LAMC3: variants seen among roughly 807,000 people sequenced by gnomAD.
The protein encoded by LAMC3 is laminin subunit gamma-3.
LAMC3 carries 128 observed loss-of-function variants against 173.8 expected under a neutral mutation model. The ratio of observed to expected loss-of-function variants is 0.74; its 90% CI spans 0.64 to 0.85. LAMC3 has a LOEUF of 0.85. Ranked by LOEUF, LAMC3 falls within the 40% of genes least tolerant of loss-of-function variation. The pLI, the probability that LAMC3 is intolerant of heterozygous loss-of-function variation, is 0.00. For synonymous variants in LAMC3, 897 were observed against 909.1 expected (o/e 0.99, Z 0.24); for missense variants, 2,022 against 2,156.0 (o/e 0.94, Z 1.23).
intron 6 of LAMC3, 93 bp downstream of exon 6, chr9:131,039,341 C>T (rs907851780): frequency 4.8e-6 from 5 of 1,041,368 alleles, no homozygotes; most frequent in Non-Finnish European, 2.9e-6. Flanking sequence ...CCTCCCCATC[C>T]CTTCCTGTCT....
intron 1 of LAMC3, among the ~76,000 whole-genome samples, chr9:131,012,722 C>G (rs1833444064): frequency 6.6e-6 from 1 of 152,190 alleles, no homozygotes; most frequent in African/African-American, 2.4e-5. Flanking sequence ...TCCTCCTGGT[C>G]CTTAGGCCAC....
rs148513856 is a variant in LAMC3, at chr9:131,039,216, C to T, written c.1251C>T (p.Pro417=). Residue 417 remains proline (P), a synonymous_variant, in exon 6 of 28, where the codon CCC becomes CCT. Coordinates refer to ENST00000361069, the MANE Select transcript of LAMC3 (RefSeq NM_006059.4). ...GCTGGAAGTGTGACCGCTGTCTGCC[C>T]GGGTTCCACTCGCTCAGTGAGGGAG... ...VTGWKCDRCL[P]GFHSLSEGGC... is the part of the protein sequence containing the mutation. 180 of 1,607,276 alleles carry T rather than the reference C, an allele frequency of 1.1e-4. No individual in the cohort carries two copies. Among genetic ancestry groups the T allele is most frequent in the African/African-American group, 1.1e-3 (79 of 75,036 alleles).
At chr9:131,067,942 G>T in intron 14 of LAMC3, 136 bp from the exon 15 acceptor site, 1 of 953,690 alleles carries the variant, frequency 1.0e-6, no homozygotes, top group Non-Finnish European at 1.7e-6. Context: ...TTTTCCAGCA[G>T]TGGCGTCTGA....
intron 21 of LAMC3, among the ~76,000 whole-genome samples, chr9:131,076,683 C>T (rs2133334591): frequency 1.3e-5 from 2 of 152,268 alleles, no homozygotes; most frequent in Middle Eastern, 6.8e-3. Context: ...ACAGAAAACC[C>T]ATCCTAGCTG....
intron 9 of LAMC3, among the ~76,000 whole-genome samples, chr9:131,050,628 C>T (rs1425130074): frequency 6.6e-6 from 1 of 151,976 alleles, no homozygotes; most frequent in Non-Finnish European, 1.5e-5. Flanking sequence ...GTTAGCCAGA[C>T]GTGGTGGTGC....
chr9:131,049,803 C>G (rs1286241087), intron 9 of LAMC3, among the ~76,000 whole-genome samples: 1 of 152,206 alleles, frequency 6.6e-6, no homozygotes, highest in African/African-American at 2.4e-5. Flanking sequence ...CCATGGCATT[C>G]TTGCAAAAGG....
At chr9:131,024,116 A>G (rs1416618867) in intron 1 of LAMC3, among the ~76,000 whole-genome samples, 1 of 137,122 alleles carries the variant, frequency 7.3e-6, no homozygotes, top group Non-Finnish European at 1.6e-5. Context: ...AATATTATTT[A>G]CTCCTCTGTT....
Position 131,039,081 on chromosome 9 carries a change from G to A in LAMC3, c.1165+29G>A, listed in dbSNP as rs200075140. 5.7e-5 allele frequency: 92 copies of A among 1,612,414 alleles called. No individual in the cohort carries two copies. In the African/African-American group the frequency reaches 6.3e-4, roughly 11 times the overall value. On this transcript the variant is annotated intron_variant, in intron 5 of 27. Transcript: ENST00000361069. Reference sequence around the variant, plus strand: ...AGTGGACTCCACATCCCCAGCCTCCGACCCTCTCCCTTTCCTGGCCTCAAT... The same window carrying A: ...AGTGGACTCCACATCCCCAGCCTCCAACCCTCTCCCTTTCCTGGCCTCAAT...
At chr9:131,013,733 T>G (rs1833466757) in intron 1 of LAMC3, among the ~76,000 whole-genome samples, 2 of 152,126 alleles carry the variant, frequency 1.3e-5, no homozygotes, top group Non-Finnish European at 2.9e-5. Flanking sequence ...AGGATGTTCT[T>G]CGACCTGCCG....
intron 9 of LAMC3, among the ~76,000 whole-genome samples, chr9:131,049,359 G>A (rs559400938): frequency 4.6e-5 from 7 of 152,232 alleles, no homozygotes; most frequent in East Asian, 1.9e-4. Context: ...TCTAGAAGCC[G>A]CCTGCATTCC....
At chr9:131,045,078 C>T (rs1255090777) in intron 7 of LAMC3, among the ~76,000 whole-genome samples, 3 of 151,868 alleles carry the variant, frequency 2.0e-5, no homozygotes, top group East Asian at 1.9e-4. Flanking sequence ...AAAAATTAGC[C>T]GGGTGTGGTG....
chr9:131,049,105 AGAC>A lies in LAMC3; in HGVS notation c.1608_1610del (p.Asp536del), dbSNP rs1381571453. The A allele has an allele frequency of 2.6e-6, 4 of 1,551,408 alleles. No homozygotes were observed. Among genetic ancestry groups the A allele is most frequent in the Non-Finnish European group, 3.5e-6 (4 of 1,146,474 alleles). ...CAAATGGGGTCCTCCTGAGCCCAGA[AGAC>A]GAGGAGGAGCTCACAGCACCAGGTA... On this transcript the variant is annotated inframe_deletion, in exon 9 of 28. Transcript: ENST00000361069.
chr9:131,077,127 C>T (rs1158636149), intron 21 of LAMC3, 60 bp from the exon 22 acceptor site: 2 of 1,606,670 alleles, frequency 1.2e-6, no homozygotes, highest in African/African-American at 2.7e-5. Flanking sequence ...GCCTGGGGCC[C>T]AGACAGGGAT....
In LAMC3 at chr9:131,035,557, C is replaced by T. The variant is rs115979732; in HGVS notation, c.810-609C>T. Among the ~76,000 whole-genome samples, 338 of 152,266 alleles carry T rather than the reference C, an allele frequency of 2.2e-3. 1 individual carries two copies. Among genetic ancestry groups the T allele is most frequent in the African/African-American group, 7.9e-3 (330 of 41,548 alleles). On this transcript the variant is annotated intron_variant, in intron 3 of 27. Transcript: ENST00000361069. The stretch of plus-strand genomic sequence containing the variant: ...TTCAACCTGATGATCCAATCAGCTC[C>T]CACCAGGCCCCACCTCCAACATTGG...
At chr9:131,031,000 G>A (rs1374002204) in intron 2 of LAMC3, among the ~76,000 whole-genome samples, 1 of 152,260 alleles carries the variant, frequency 6.6e-6, no homozygotes, top group Non-Finnish European at 1.5e-5. Context: ...TTAGCTTGGT[G>A]CAGAGGCTCC....
chr9:131,046,518 A>ATGTTTTTTTTTTTTTTTTTT (rs1834163456), intron 8 of LAMC3, among the ~76,000 whole-genome samples: 1 of 49,170 alleles, frequency 2.0e-5, no homozygotes, highest in Non-Finnish European at 3.7e-5. Flanking sequence ...TAATTTTTGT[A>ATGTTTTTTTTTTTTTTTTTT]TTTTTTTTTT....
intron 1 of LAMC3, among the ~76,000 whole-genome samples, chr9:131,014,172 T>A (rs907036556): frequency 2.0e-5 from 3 of 152,198 alleles, no homozygotes; most frequent in African/African-American, 7.2e-5. Context: ...AGGATGGGTG[T>A]AGCCAGCCTC....
At chr9:131,034,081 A>G (rs895896561) in intron 3 of LAMC3, among the ~76,000 whole-genome samples, 2 of 152,176 alleles carry the variant, frequency 1.3e-5, no homozygotes, top group African/African-American at 4.8e-5. Context: ...GCTTCGGGCC[A>G]GAGGACATCT....
chr9:131,088,927 T>TA (rs907498896), intron 27 of LAMC3, among the ~76,000 whole-genome samples: 9 of 151,408 alleles, frequency 5.9e-5, no homozygotes, highest in African/African-American at 1.7e-4. Context: ...TCTAAAGATA[T>TA]AAAAAAAATT....
Sources: allele counts gnomAD v4.1 joint callset (sites outside exome capture counted in the v4.1 genomes callset), GRCh38; gene constraint gnomAD v4.1.1; transcripts MANE v1.5; gene names NCBI Gene and HGNC (gene_info 2026-07-23, HGNC 2026-07-21).